The following PSD3 variants were observed in gnomAD, a reference collection of about 807,000 sequenced individuals.
PSD3 encodes the protein PH and SEC7 domain-containing protein 3.
A neutral mutation model predicts 105.5 loss-of-function variants in PSD3; 49 were observed. That is an observed-to-expected ratio of 0.46 (90% confidence interval 0.37 to 0.59). PSD3 has a LOEUF of 0.59. Among genes scored for constraint, PSD3 ranks in the 20% least tolerant of loss-of-function variants. The pLI is 0.00. For synonymous variants in PSD3, 557 were observed against 457.8 expected (o/e 1.22, Z -2.77); for missense variants, 1,561 against 1,263.8 (o/e 1.24, Z -3.57).
chr8:18,893,317 A>G (rs1203030868), intron 2 of PSD3, among the ~76,000 whole-genome samples: 1 of 152,124 alleles, frequency 6.6e-6, no homozygotes, highest in East Asian at 1.9e-4. Flanking sequence ...AAGCAAGAGC[A>G]AGTTCTGGGA....
chr8:19,034,009 T>C (rs1827861322), intron 1 of PSD3, among the ~76,000 whole-genome samples: 1 of 152,078 alleles, frequency 6.6e-6, no homozygotes, highest in African/African-American at 2.4e-5. Flanking sequence ...ACAGAAAACA[T>C]TCTGAATATG....
At chr8:18,699,911 ATT>A (rs968658472) in intron 9 of PSD3, among the ~76,000 whole-genome samples, 5 of 151,782 alleles carry the variant, frequency 3.3e-5, no homozygotes, top group African/African-American at 4.8e-5. Flanking sequence ...CCGCTCCTAT[ATT>A]TTCCTTTCTT....
At chr8:19,027,382 T>G (rs1827594147) in intron 1 of PSD3, among the ~76,000 whole-genome samples, 1 of 152,204 alleles carries the variant, frequency 6.6e-6, no homozygotes, top group Non-Finnish European at 1.5e-5. Flanking sequence ...GTTTTTTGAT[T>G]TGTATTAATC....
At chr8:18,575,352 GC>G (rs2130358817) in intron 12 of PSD3, 67 bp from the exon 13 acceptor site, 2 of 1,390,994 alleles carry the variant, frequency 1.4e-6, no homozygotes, top group East Asian at 2.6e-5. Context: ...TTTTTTAAAA[GC>G]AAAAACTAAA....
intron 1 of PSD3, among the ~76,000 whole-genome samples, chr8:18,948,568 G>A (rs1373765414): frequency 6.6e-6 from 1 of 152,170 alleles, no homozygotes; most frequent in Non-Finnish European, 1.5e-5. Context: ...AGAGACTACA[G>A]GCTCACACGA....
chr8:19,067,971 G>T (rs1294328962), intron 1 of PSD3, among the ~76,000 whole-genome samples: 1 of 152,180 alleles, frequency 6.6e-6, no homozygotes, highest in Non-Finnish European at 1.5e-5. Context: ...CATCAGTCAG[G>T]CACATGGGAA....
intron 2 of PSD3, among the ~76,000 whole-genome samples, chr8:18,897,611 A>G (rs1231258201): frequency 1.3e-5 from 2 of 152,132 alleles, no homozygotes; most frequent in African/African-American, 4.8e-5. Context: ...CATTTTTACC[A>G]TATTAATTCT....
At chr8:18,844,457 CAACTT>C (rs1398443795) in intron 4 of PSD3, among the ~76,000 whole-genome samples, 1 of 152,090 alleles carries the variant, frequency 6.6e-6, no homozygotes, top group East Asian at 1.9e-4. Flanking sequence ...TACATGGAAA[CAACTT>C]AAAGTAGACT....
At chr8:18,712,931 C>G (rs533069261) in intron 9 of PSD3, among the ~76,000 whole-genome samples, 7 of 152,260 alleles carry the variant, frequency 4.6e-5, no homozygotes, top group African/African-American at 1.7e-4. Flanking sequence ...AAAAACTTAT[C>G]CACCATGATG....
chr8:18,748,359 C>A (rs1207414982), intron 9 of PSD3, among the ~76,000 whole-genome samples: 1 of 152,014 alleles, frequency 6.6e-6, no homozygotes, highest in Non-Finnish European at 1.5e-5. Context: ...TAGAGAGTAA[C>A]GCTAATAAAG....
At chr8:18,674,693 G>C (rs1489579177) in intron 9 of PSD3, among the ~76,000 whole-genome samples, 1 of 152,072 alleles carries the variant, frequency 6.6e-6, no homozygotes, top group Non-Finnish European at 1.5e-5. Context: ...TATTTTACCT[G>C]TTTTTAAGAA....
At chr8:18,735,130 A>T (rs1360430064) in intron 9 of PSD3, among the ~76,000 whole-genome samples, 1 of 152,198 alleles carries the variant, frequency 6.6e-6, no homozygotes, top group African/African-American at 2.4e-5. Context: ...GAGTTTGAGA[A>T]GGGAATAATC....
At chr8:18,752,527 TA>T (rs1164573137) in intron 9 of PSD3, among the ~76,000 whole-genome samples, 87 of 48,726 alleles carry the variant, frequency 1.8e-3, no homozygotes, top group South Asian at 3.1e-3. Flanking sequence ...GTAATATATA[TA>T]ATTATATATT....
At chr8:19,069,270 C>T (rs779764084) in intron 1 of PSD3, among the ~76,000 whole-genome samples, 19 of 152,286 alleles carry the variant, frequency 1.2e-4, no homozygotes, top group Middle Eastern at 3.4e-3. Flanking sequence ...CTTATTCGGG[C>T]TGTGGGATCC....
chr8:18,936,434 A>G (rs17127469), intron 1 of PSD3, among the ~76,000 whole-genome samples: 1 of 152,064 alleles, frequency 6.6e-6, no homozygotes, highest in East Asian at 1.9e-4. Flanking sequence ...GTCGGTTTTT[A>G]AAAAATTAAC....
intron 1 of PSD3, among the ~76,000 whole-genome samples, chr8:19,063,381 G>A (rs932315530): frequency 6.6e-6 from 1 of 152,206 alleles, no homozygotes. Flanking sequence ...GTACAGAATA[G>A]CAAATGTAAT....
intron 4 of PSD3, among the ~76,000 whole-genome samples, chr8:18,827,163 C>G (rs1813263133): frequency 6.6e-6 from 1 of 152,200 alleles, no homozygotes; most frequent in Admixed American, 6.5e-5. Flanking sequence ...CCCAGAACTT[C>G]ATAGTCTAGA....
intron 12 of PSD3, among the ~76,000 whole-genome samples, chr8:18,576,807 A>T (rs1281068462): frequency 4.6e-5 from 7 of 152,014 alleles, no homozygotes; most frequent in Admixed American, 4.6e-4. Flanking sequence ...TTTATATGCC[A>T]CCTCCATTTC....
chr8:18,821,823 G>GTTTTA (rs10625766), intron 4 of PSD3, among the ~76,000 whole-genome samples: 67,658 of 144,474 alleles, frequency 0.47, 15,668 homozygotes, highest in East Asian at 0.79. Context: ...CACTTCAAGT[G>GTTTTA]TTTTGAGAAG....
Sources: gnomAD v4.1 joint callset for allele counts (sites outside exome capture counted in the v4.1 genomes callset) on GRCh38, gnomAD v4.1.1 for gene constraint, MANE v1.5 for transcripts, NCBI Gene and HGNC (gene_info 2026-07-23, HGNC 2026-07-21) for gene names.